IGSF11: variants seen among roughly 807,000 people sequenced by gnomAD.
IGSF11 encodes the protein immunoglobulin superfamily member 11, also known as CXADR like 1.
A neutral mutation model predicts 41.0 loss-of-function variants in IGSF11; 22 were observed. That is an observed-to-expected ratio of 0.54 (90% CI 0.38 to 0.77). The LOEUF (loss-of-function observed/expected upper bound fraction) is 0.77, where lower values mean the gene tolerates loss of function less well. Among genes scored for constraint, IGSF11 ranks in the 30% least tolerant of loss-of-function variants. The probability of loss-of-function intolerance (pLI) is 0.00; values close to 1 mark genes in which losing one functional copy is unlikely to be tolerated. For synonymous variants in IGSF11, 219 were observed against 201.3 expected (o/e 1.09, Z -0.74); for missense variants, 444 against 530.8 (o/e 0.84, Z 1.61).
At chr3:119,067,774 T>C (rs910493427) in intron 1 of IGSF11, among the ~76,000 whole-genome samples, 1 of 152,182 alleles carries the variant, frequency 6.6e-6, no homozygotes, top group Non-Finnish European at 1.5e-5. Flanking sequence ...GGATCCTCAA[T>C]CCATGCCTAG....
chr3:118,947,765 T>C (rs2107574442), intron 1 of IGSF11: 1 of 152,326 alleles, frequency 6.6e-6, no homozygotes, highest in Admixed American at 6.5e-5. Context: ...CCTCCCCCAT[T>C]CAAGGTAACT....
chr3:118,997,352 G>C (rs1936370308), intron 1 of IGSF11, among the ~76,000 whole-genome samples: 1 of 152,214 alleles, frequency 6.6e-6, no homozygotes, highest in African/African-American at 2.4e-5. Context: ...AGATTAAAGT[G>C]TCTCTCTAAT....
At chr3:118,997,225 G>A (rs1039662381) in intron 1 of IGSF11, among the ~76,000 whole-genome samples, 3 of 152,128 alleles carry the variant, frequency 2.0e-5, no homozygotes, top group Non-Finnish European at 2.9e-5. Context: ...ACTGACATTT[G>A]GCATCACTAT....
At chr3:119,043,894 C>A (rs1450588202) in intron 1 of IGSF11, among the ~76,000 whole-genome samples, 1 of 152,154 alleles carries the variant, frequency 6.6e-6, no homozygotes, top group Admixed American at 6.5e-5. Flanking sequence ...CCTCATGGGA[C>A]AAAACAATCT....
intron 4 of IGSF11, among the ~76,000 whole-genome samples, chr3:118,911,806 C>T (rs1242394310): frequency 6.6e-6 from 1 of 152,066 alleles, no homozygotes; most frequent in Non-Finnish European, 1.5e-5. Flanking sequence ...TTAGTCCTTC[C>T]TATCAGTTTT....
chr3:118,951,322 G>C (rs2107582306), intron 1 of IGSF11, among the ~76,000 whole-genome samples: 1 of 152,202 alleles, frequency 6.6e-6, no homozygotes, highest in South Asian at 2.1e-4. Context: ...AAATGAGTAT[G>C]GTTTGGTGAT....
At chr3:119,051,746 A>T (rs187998172) in intron 1 of IGSF11, among the ~76,000 whole-genome samples, 1 of 152,322 alleles carries the variant, frequency 6.6e-6, no homozygotes, top group Non-Finnish European at 1.5e-5. Flanking sequence ...AAGTCTCAAT[A>T]AATTTAAGAA....
chr3:119,024,081 G>C (rs1559807053), intron 1 of IGSF11, among the ~76,000 whole-genome samples: 3 of 152,156 alleles, frequency 2.0e-5, no homozygotes, highest in South Asian at 4.1e-4. Context: ...TAATGAGAAA[G>C]ATAACTCCCT....
chr3:119,034,138 A>C (rs1050451976), intron 1 of IGSF11, among the ~76,000 whole-genome samples: 1 of 152,246 alleles, frequency 6.6e-6, no homozygotes, highest in Non-Finnish European at 1.5e-5. Flanking sequence ...TTTTAAAAGC[A>C]CTTCTAGTTT....
In IGSF11 at chr3:119,048,245, C is replaced by T. The variant is rs1366109862; in HGVS notation, c.49+56899G>A. On this transcript the variant is annotated intron_variant, in intron 1 of 6. Coordinates refer to the IGSF11 transcript ENST00000354673. ...GAAAGGATCAACAAAATTGATAGAC[C>T]GCTAGCAAGACAAATAAAGAAAAAA... 1.9e-4 allele frequency among the ~76,000 whole-genome samples: 29 copies of T among 151,782 alleles called. 1 individual carries two copies. The highest frequency in any genetic ancestry group is 1.0e-3 in the South Asian group (5 of 4,784).
chr3:118,910,258 CACT>C (rs1007867469), intron 4 of IGSF11, among the ~76,000 whole-genome samples: 1 of 152,156 alleles, frequency 6.6e-6, no homozygotes, highest in African/African-American at 2.4e-5. Context: ...CCCAGGAGAC[CACT>C]AACTCACTGC....
chr3:118,929,228 C>T (rs945139694), intron 2 of IGSF11, among the ~76,000 whole-genome samples: 3 of 152,108 alleles, frequency 2.0e-5, no homozygotes, highest in South Asian at 2.1e-4. Flanking sequence ...AACAAAAAGC[C>T]CTTTGGGCTG....
At chr3:119,025,368 C>A (rs1939717758) in intron 1 of IGSF11, among the ~76,000 whole-genome samples, 1 of 151,750 alleles carries the variant, frequency 6.6e-6, no homozygotes, top group African/African-American at 2.4e-5. Flanking sequence ...TAGGCCACAG[C>A]TCCAGTGGCA....
At chr3:118,922,490 A>G (rs182497352) in intron 4 of IGSF11, among the ~76,000 whole-genome samples, 51 of 152,168 alleles carry the variant, frequency 3.4e-4, no homozygotes, top group Admixed American at 8.5e-4. Context: ...GTAATGCTAA[A>G]TATAGGCACC....
At chr3:119,009,260 A>G (rs1313949941) in intron 1 of IGSF11, among the ~76,000 whole-genome samples, 1 of 138,650 alleles carries the variant, frequency 7.2e-6, no homozygotes, top group Admixed American at 7.1e-5. Flanking sequence ...AGCCCTTTGC[A>G]ACATCCATGT....
intron 1 of IGSF11, chr3:118,983,264 T>C (rs1037649044): frequency 1.3e-5 from 2 of 152,190 alleles, no homozygotes; most frequent in African/African-American, 4.8e-5. Flanking sequence ...TAGGTATTAT[T>C]AATATCATCT....
At chr3:118,977,356 C>A (rs1447242339) in intron 1 of IGSF11, among the ~76,000 whole-genome samples, 1 of 152,142 alleles carries the variant, frequency 6.6e-6, no homozygotes, top group Non-Finnish European at 1.5e-5. Context: ...TTCCTCAGTG[C>A]CCCACACTAT....
intron 1 of IGSF11, chr3:119,105,066 A>G: frequency 2.3e-6 from 2 of 880,456 alleles, no homozygotes; most frequent in Non-Finnish European, 3.7e-6. Flanking sequence ...GTATCACAAA[A>G]AGCCTTTCAC....
chr3:119,078,511 A>C (rs2076538429), intron 1 of IGSF11, among the ~76,000 whole-genome samples: 3 of 152,234 alleles, frequency 2.0e-5, no homozygotes. Context: ...CTGATTAGCC[A>C]TATGCAGAAG....
Sources: allele counts gnomAD v4.1 joint callset (sites outside exome capture counted in the v4.1 genomes callset), GRCh38; gene constraint gnomAD v4.1.1; transcripts MANE v1.5; gene names NCBI Gene and HGNC (gene_info 2026-07-23, HGNC 2026-07-21).